Variants in NDUFAF6 observed in about 807,000 individuals in gnomAD.
NDUFAF6 encodes the protein NADH dehydrogenase (ubiquinone) complex I, assembly factor 6.
Under a neutral mutation model 40.8 loss-of-function variants are expected in NDUFAF6, and 45 were observed. The ratio of observed to expected loss-of-function variants is 1.10; its 90% CI spans 0.87 to 1.42. The LOEUF is 1.42. Ranked by LOEUF, NDUFAF6 falls within the 40% of genes most tolerant of loss-of-function variation. The pLI, the probability that NDUFAF6 is intolerant of heterozygous loss-of-function variation, is 0.00. For missense variants in NDUFAF6, 435 were observed against 418.5 expected (o/e 1.04, Z -0.34); for synonymous variants, 185 against 155.9 (o/e 1.19, Z -1.39).
chr8:95,082,082 A>C (rs4999420), intron 2 of NDUFAF6, among the ~76,000 whole-genome samples: 96,408 of 151,848 alleles, frequency 0.63, 31,690 homozygotes, highest in African/African-American at 0.8. Flanking sequence ...ACAACAAAAA[A>C]AAAAAAACTC....
rs547045131 is a variant in NDUFAF6 at position 94,914,565 on chromosome 8, G to A, written c.-936+18638G>A. The stretch of plus-strand genomic sequence containing the variant: ...ATGGTTGCTCACTCACTAGCATTGT[G>A]AAATGTTTTTCCAGAATATGCCACC... On this transcript the variant is annotated intron_variant, in intron 1 of 14. Transcript: ENST00000396113. 1.1e-4 allele frequency among the ~76,000 whole-genome samples: 17 copies of A among 152,292 alleles called. No individual in the cohort carries two copies. The Middle Eastern group carries it at 0.01, about 91-fold the overall frequency.
intron 1 of NDUFAF6, among the ~76,000 whole-genome samples, chr8:94,969,216 C>A (rs1037463611): frequency 2.6e-5 from 4 of 151,928 alleles, no homozygotes; most frequent in Non-Finnish European, 5.9e-5. Flanking sequence ...CTCTGGAGCA[C>A]CTGGAACCTT....
chr8:95,058,206 T>A lies in NDUFAF6; in HGVS notation c.*269T>A. 7.1e-7 allele frequency: 1 copy of A among 1,417,334 alleles called. No individual in the cohort carries two copies. The highest frequency in any genetic ancestry group is 9.1e-7 in the Non-Finnish European group (1 of 1,094,460). 87.8% of individuals were successfully genotyped at this position (1,417,334 alleles called of 1,614,324 possible). A position where few individuals can be genotyped will look rare whatever the true frequency, so the allele number is the denominator to read the frequency against. On this transcript the variant is annotated 3_prime_UTR_variant, in exon 9 of 9. Coordinates refer to ENST00000396124, the MANE Select transcript of NDUFAF6 (RefSeq NM_152416.4). ...CTGGAGCTCCAACAGGGAATATTGGTGTAGCTGTGCATAGGCCATAAGCCA... is the reference window on the plus strand; with the variant it reads ...CTGGAGCTCCAACAGGGAATATTGGAGTAGCTGTGCATAGGCCATAAGCCA...
At chr8:94,899,589 C>T (rs1817882788) in intron 1 of NDUFAF6, among the ~76,000 whole-genome samples, 1 of 152,202 alleles carries the variant, frequency 6.6e-6, no homozygotes, top group Non-Finnish European at 1.5e-5. Context: ...TGTAGTTTGC[C>T]TAAGATCCAC....
downstream of NDUFAF6, among the ~76,000 whole-genome samples, chr8:95,107,198 G>A (rs188870751): frequency 8.5e-4 from 129 of 152,200 alleles, no homozygotes; most frequent in African/African-American, 2.8e-3. Context: ...GTTTTTTGCA[G>A]CACTGTTCAC....
At chr8:94,914,345 C>T (rs1474978486) in intron 1 of NDUFAF6, among the ~76,000 whole-genome samples, 1 of 152,136 alleles carries the variant, frequency 6.6e-6, no homozygotes, top group Non-Finnish European at 1.5e-5. Context: ...CATGCAGCTG[C>T]TATGGAGTAG....
intron 1 of NDUFAF6, among the ~76,000 whole-genome samples, chr8:94,897,317 G>C (rs183380831): frequency 2.0e-5 from 3 of 152,242 alleles, no homozygotes; most frequent in Non-Finnish European, 2.9e-5. Flanking sequence ...TGCAATCATA[G>C]TAAAGGAGAA....
chr8:94,973,006 G>T (rs1446902496), intron 1 of NDUFAF6, among the ~76,000 whole-genome samples: 1 of 152,138 alleles, frequency 6.6e-6, no homozygotes, highest in Non-Finnish European at 1.5e-5. Flanking sequence ...GAGCCCAGGA[G>T]TTCGAGGCTC....
At chr8:95,033,887 C>A in intron 2 of NDUFAF6, 1 of 389,348 alleles carries the variant, frequency 2.6e-6, no homozygotes, top group South Asian at 1.9e-5. Flanking sequence ...CAGTTAGGGG[C>A]ACCTGGGTCA....
At chr8:95,032,900 G>C (rs1260305186) in intron 2 of NDUFAF6, among the ~76,000 whole-genome samples, 1 of 152,078 alleles carries the variant, frequency 6.6e-6, no homozygotes, top group African/African-American at 2.4e-5. Context: ...TTTTTCCTCT[G>C]GTATCTTCCT....
At chr8:95,037,194 T>G (rs1829603820) in intron 3 of NDUFAF6, among the ~76,000 whole-genome samples, 1 of 152,242 alleles carries the variant, frequency 6.6e-6, no homozygotes, top group Non-Finnish European at 1.5e-5. Context: ...ATAACCAAGG[T>G]CTTTCTTCTA....
intron 9 of NDUFAF6, among the ~76,000 whole-genome samples, chr8:95,072,545 A>G (rs1460729270): frequency 6.6e-6 from 1 of 152,238 alleles, no homozygotes; most frequent in Non-Finnish European, 1.5e-5. Context: ...ACAAGTTCCT[A>G]TGATGGCTTG....
At chr8:94,937,513 T>G (rs1335039736) in intron 1 of NDUFAF6, among the ~76,000 whole-genome samples, 1 of 152,016 alleles carries the variant, frequency 6.6e-6, no homozygotes, top group East Asian at 1.9e-4. Context: ...CACAAGATTT[T>G]CCTGTTTTTC....
intron 1 of NDUFAF6, chr8:94,930,740 A>G (rs1350756149): frequency 6.2e-7 from 1 of 1,612,896 alleles, no homozygotes; most frequent in Admixed American, 1.7e-5. Flanking sequence ...TGAAACAGAA[A>G]AAAGTGGGGA....
At chr8:94,910,929 T>C (rs920630507) in intron 1 of NDUFAF6, among the ~76,000 whole-genome samples, 1 of 152,238 alleles carries the variant, frequency 6.6e-6, no homozygotes, top group African/African-American at 2.4e-5. Context: ...TGAGATTACC[T>C]ATGTGGACTT....
At chr8:94,998,787 A>G (rs1422676768) in intron 2 of NDUFAF6, among the ~76,000 whole-genome samples, 5 of 152,180 alleles carry the variant, frequency 3.3e-5, no homozygotes, top group Non-Finnish European at 7.3e-5. Flanking sequence ...TGAAGGGTAA[A>G]CCAAGGACTT....
intron 1 of NDUFAF6, among the ~76,000 whole-genome samples, chr8:94,966,036 T>C (rs981006967): frequency 1.3e-5 from 2 of 152,166 alleles, no homozygotes; most frequent in Admixed American, 6.6e-5. Flanking sequence ...AACCCACGCT[T>C]TGCTCCCTAG....
chr8:95,033,656 C>T (rs998609682), intron 2 of NDUFAF6, among the ~76,000 whole-genome samples: 4 of 152,092 alleles, frequency 2.6e-5, no homozygotes, highest in African/African-American at 4.8e-5. Context: ...CCAGGGGTTC[C>T]TATTTTATGT....
intron 2 of NDUFAF6, chr8:94,949,398 T>C (rs10097617): frequency 0.49 from 74,039 of 150,828 alleles, 18,765 homozygotes; most frequent in East Asian, 0.72. Flanking sequence ...GCCGCTCCGC[T>C]CGCCGTCGGG....
Sources: gnomAD v4.1 joint callset for allele counts (sites outside exome capture counted in the v4.1 genomes callset) on GRCh38, gnomAD v4.1.1 for gene constraint, MANE v1.5 for transcripts, NCBI Gene and HGNC (gene_info 2026-07-23, HGNC 2026-07-21) for gene names.